The following ALCAM variants were observed in gnomAD, a reference collection of about 807,000 sequenced individuals.
ALCAM encodes the protein activated leukocyte cell adhesion molecule.
ALCAM carries 30 observed loss-of-function variants against 70.9 expected under a neutral mutation model. That is an observed-to-expected ratio of 0.42 (90% CI 0.32 to 0.57). ALCAM has a LOEUF of 0.57. Ranked by LOEUF, ALCAM falls within the 20% of genes least tolerant of loss-of-function variation. The pLI, the probability that ALCAM is intolerant of heterozygous loss-of-function variation, is 0.11. For missense variants in ALCAM, 591 were observed against 695.1 expected (o/e 0.85, Z 1.68); for synonymous variants, 249 against 242.5 (o/e 1.03, Z -0.25).
intron 14 of ALCAM, among the ~76,000 whole-genome samples, chr3:105,563,213 A>C (rs1940665321): frequency 6.6e-6 from 1 of 151,742 alleles, no homozygotes; most frequent in African/African-American, 2.4e-5. Flanking sequence ...GCAAAAAAAA[A>C]AAAAAGCCGG....
chr3:105,369,941 T>C (rs1057291312), intron 1 of ALCAM, among the ~76,000 whole-genome samples: 5 of 152,144 alleles, frequency 3.3e-5, no homozygotes, highest in African/African-American at 1.2e-4. Context: ...GTTATTCTTG[T>C]AGAAAGAGCG....
chr3:105,404,848 C>T (rs1936181235), intron 1 of ALCAM, among the ~76,000 whole-genome samples: 1 of 152,098 alleles, frequency 6.6e-6, no homozygotes, highest in South Asian at 2.1e-4. Flanking sequence ...AGGAGACTCA[C>T]CTAACACATA....
rs114331535 is a variant in ALCAM, at chr3:105,548,338, G to A, written c.1374+815G>A. Among the ~76,000 whole-genome samples, 400 of 151,278 alleles carry A rather than the reference G, an allele frequency of 2.6e-3. 1 individual carries two copies. Among genetic ancestry groups the A allele is most frequent in the African/African-American group, 9.0e-3 (374 of 41,384 alleles). ...TCCATTGTTCTCTACAACAGTCTTCGTGTCTCCCTCTTCTCAGTATAATCT... is the reference window on the plus strand; with the variant it reads ...TCCATTGTTCTCTACAACAGTCTTCATGTCTCCCTCTTCTCAGTATAATCT... On this transcript the variant is annotated intron_variant, in intron 11 of 15. Transcript: ENST00000306107.
chr3:105,458,096 C>T (rs1321411599), intron 1 of ALCAM, among the ~76,000 whole-genome samples: 1 of 142,218 alleles, frequency 7.0e-6, no homozygotes, highest in African/African-American at 2.6e-5. Context: ...AAAAAAAAAC[C>T]AGCTTTATAG....
chr3:105,565,141 A>AC (rs1320050683), intron 14 of ALCAM, among the ~76,000 whole-genome samples: 7 of 152,162 alleles, frequency 4.6e-5, no homozygotes, highest in African/African-American at 1.7e-4. Flanking sequence ...ACAGAGCAAG[A>AC]CCCCATCTCT....
intron 11 of ALCAM, among the ~76,000 whole-genome samples, chr3:105,548,644 G>A (rs1431116527): frequency 6.6e-6 from 1 of 151,336 alleles, no homozygotes. Context: ...GCCCTCAAAA[G>A]AGTAGGCACA....
chr3:105,386,482 A>G (rs1054257117), intron 1 of ALCAM, among the ~76,000 whole-genome samples: 2 of 151,502 alleles, frequency 1.3e-5, no homozygotes, highest in Admixed American at 1.3e-4. Flanking sequence ...ACATTACCCT[A>G]AATGTCTAGT....
intron 1 of ALCAM, among the ~76,000 whole-genome samples, chr3:105,389,949 G>A (rs1345511856): frequency 6.6e-6 from 1 of 151,858 alleles, no homozygotes; most frequent in Non-Finnish European, 1.5e-5. Context: ...GTATTCCATT[G>A]TATGTATGTA....
intron 1 of ALCAM, among the ~76,000 whole-genome samples, chr3:105,373,656 C>T (rs1935301336): frequency 6.6e-6 from 1 of 152,122 alleles, no homozygotes; most frequent in Admixed American, 6.5e-5. Flanking sequence ...GTAGTTTTTA[C>T]CACATTGTAT....
At chr3:105,473,989 C>A (rs1938023113) in intron 1 of ALCAM, among the ~76,000 whole-genome samples, 1 of 151,446 alleles carries the variant, frequency 6.6e-6, no homozygotes, top group Non-Finnish European at 1.5e-5. Flanking sequence ...GGGTCAACCA[C>A]TACATAATTA....
chr3:105,576,237 AG>A lies in ALCAM; in HGVS notation c.*1787del, dbSNP rs1940961847. The A allele has an allele frequency of 6.6e-6, 1 of 152,596 alleles. No homozygotes were observed. Among genetic ancestry groups the A allele is most frequent in the Non-Finnish European group, 1.5e-5 (1 of 68,006 alleles). The allele number at this position is 152,596 out of a possible 1,614,324, so 9.5% of individuals were successfully genotyped here. On this transcript the variant is annotated 3_prime_UTR_variant, in exon 16 of 16. Coordinates refer to ENST00000306107, the MANE Select transcript of ALCAM (RefSeq NM_001627.4). ...ACCAAAGTAAAAGGGGAAAAACCAA[AG>A]TTATTTGTTTTGCATGGCTAAGCCA...
At chr3:105,489,863 T>C (rs1038713638) in intron 1 of ALCAM, among the ~76,000 whole-genome samples, 2 of 152,204 alleles carry the variant, frequency 1.3e-5, no homozygotes, top group African/African-American at 4.8e-5. Flanking sequence ...AAATATAAAA[T>C]TGATCTGGAT....
intron 12 of ALCAM, 121 bp downstream of exon 12, chr3:105,550,380 G>T: frequency 2.9e-6 from 3 of 1,028,100 alleles, no homozygotes; most frequent in Non-Finnish European, 4.1e-6. Flanking sequence ...TATTTATTTT[G>T]CATTTGGTAT....
At chr3:105,513,984 G>C (rs1184635391) in intron 1 of ALCAM, among the ~76,000 whole-genome samples, 1 of 151,934 alleles carries the variant, frequency 6.6e-6, no homozygotes, top group Non-Finnish European at 1.5e-5. Context: ...CTCATGCACT[G>C]TGCTATTGAG....
intron 1 of ALCAM, among the ~76,000 whole-genome samples, chr3:105,497,924 G>A (rs558454537): frequency 1.2e-4 from 18 of 152,006 alleles, no homozygotes; most frequent in African/African-American, 3.4e-4. Context: ...CCAGCTACTC[G>A]GGAGGCTGAG....
intron 1 of ALCAM, among the ~76,000 whole-genome samples, chr3:105,466,289 C>T (rs945725141): frequency 2.0e-5 from 3 of 151,262 alleles, no homozygotes; most frequent in African/African-American, 4.8e-5. Flanking sequence ...TCCAAGAGAG[C>T]GTGGATGAAT....
At chr3:105,558,455 T>A (rs2152633399) in intron 14 of ALCAM, among the ~76,000 whole-genome samples, 1 of 152,214 alleles carries the variant, frequency 6.6e-6, no homozygotes, top group Middle Eastern at 3.4e-3. Context: ...AGATTGTGAT[T>A]TACTGGCTGC....
intron 1 of ALCAM, among the ~76,000 whole-genome samples, chr3:105,495,448 A>C (rs1938707501): frequency 3.9e-5 from 6 of 152,228 alleles, no homozygotes; most frequent in Admixed American, 3.9e-4. Flanking sequence ...GACAAAAAAA[A>C]AACAAAACAA....
chr3:105,563,663 A>ATTTTTT (rs1940677356), intron 14 of ALCAM, among the ~76,000 whole-genome samples: 1 of 72,548 alleles, frequency 1.4e-5, no homozygotes, highest in Non-Finnish European at 2.5e-5. Context: ...AATTCCAAGC[A>ATTTTTT]TTTCTTTTTT....
Sources: allele counts gnomAD v4.1 joint callset (sites outside exome capture counted in the v4.1 genomes callset), GRCh38; gene constraint gnomAD v4.1.1; transcripts MANE v1.5; gene names NCBI Gene and HGNC (gene_info 2026-07-23, HGNC 2026-07-21).